Variants in COL4A2 observed in about 807,000 individuals in gnomAD.
The protein encoded by COL4A2 is collagen type IV alpha 2 chain.
A neutral mutation model predicts 200.2 loss-of-function variants in COL4A2; 99 were observed. The ratio of observed to expected loss-of-function variants is 0.49; its 90% CI spans 0.42 to 0.58. The LOEUF is 0.58. COL4A2 is among the 20% of genes least tolerant of loss of function. The probability of loss-of-function intolerance (pLI) is 0.00; values close to 1 mark genes in which losing one functional copy is unlikely to be tolerated. For missense variants in COL4A2, 1,950 were observed against 2,314.1 expected, an observed-to-expected ratio of 0.84 and a Z score of 3.23; for synonymous variants, 897 against 900.6, an observed-to-expected ratio of 1.00 and a Z score of 0.07.
intron 30 of COL4A2, 64 bp from the exon 31 acceptor site, chr13:110,480,156 C>A: frequency 6.8e-7 from 1 of 1,476,664 alleles, no homozygotes; most frequent in Non-Finnish European, 9.1e-7. Flanking sequence ...GCCGTAAAAG[C>A]AGAAGAGAAA....
chr13:110,504,100 C>G (rs759382481), intron 44 of COL4A2, 48 bp from the exon 45 acceptor site: 1 of 1,589,598 alleles, frequency 6.3e-7, no homozygotes, highest in South Asian at 1.1e-5. Flanking sequence ...GCCGGCCGTG[C>G]CAGGCGTGGT....
At chr13:110,442,008 C>G (rs1041963777) in intron 16 of COL4A2, among the ~76,000 whole-genome samples, 1 of 144,938 alleles carries the variant, frequency 6.9e-6, no homozygotes, top group Non-Finnish European at 1.5e-5. Context: ...ATTGCTTGAA[C>G]CTGGGAGGCA....
intron 6 of COL4A2, among the ~76,000 whole-genome samples, chr13:110,426,204 G>A (rs1202441772): frequency 6.6e-6 from 1 of 152,234 alleles, no homozygotes; most frequent in African/African-American, 2.4e-5. Context: ...ACTCTTTGGA[G>A]TGTCTTTCAG....
chr13:110,466,115 CT>C, intron 26 of COL4A2, 53 bp downstream of exon 26: 1 of 1,582,742 alleles, frequency 6.3e-7, no homozygotes, highest in Non-Finnish European at 8.6e-7. Context: ...CTCATTTGGT[CT>C]GCTGGTTAAG....
At chr13:110,310,811 G>C (rs1330837984) in intron 3 of COL4A2, among the ~76,000 whole-genome samples, 1 of 152,166 alleles carries the variant, frequency 6.6e-6, no homozygotes, top group African/African-American at 2.4e-5. Flanking sequence ...GTGCCAATTT[G>C]TCTGTACTAA....
At chr13:110,451,256 G>A (rs1881529866) in intron 20 of COL4A2, among the ~76,000 whole-genome samples, 1 of 152,224 alleles carries the variant, frequency 6.6e-6, no homozygotes, top group South Asian at 2.1e-4. Context: ...AGAGAGTTAT[G>A]CTTTAAAGAC....
intron 16 of COL4A2, among the ~76,000 whole-genome samples, chr13:110,443,065 C>T (rs1881192181): frequency 2.0e-5 from 3 of 152,172 alleles, no homozygotes; most frequent in South Asian, 4.1e-4. Flanking sequence ...CCTCAGTGTT[C>T]CCTGTGGCTG....
intron 4 of COL4A2, among the ~76,000 whole-genome samples, chr13:110,371,177 C>T (rs1330098885): frequency 6.6e-6 from 1 of 152,218 alleles, no homozygotes; most frequent in Non-Finnish European, 1.5e-5. Context: ...TTCACCAGCA[C>T]TCTGCATCCT....
chr13:110,487,842 C>G (rs1274126257), intron 34 of COL4A2, among the ~76,000 whole-genome samples: 3 of 152,190 alleles, frequency 2.0e-5, no homozygotes, highest in Non-Finnish European at 4.4e-5. Flanking sequence ...TGACAGTGTT[C>G]TGTGTCTTTC....
chr13:110,467,913 G>A (rs796482882), intron 27 of COL4A2, among the ~76,000 whole-genome samples: 10 of 152,366 alleles, frequency 6.6e-5, no homozygotes, highest in African/African-American at 2.4e-4. Flanking sequence ...GGCCGGGGAA[G>A]CATGTCACTT....
intron 13 of COL4A2, 95 bp from the exon 14 acceptor site, chr13:110,437,906 TC>T: frequency 1.0e-6 from 1 of 966,794 alleles, no homozygotes; most frequent in Non-Finnish European, 1.7e-6. Context: ...GAGGATTGAT[TC>T]AGTACTTTCA....
At chr13:110,463,156 T>TG (rs542121820) in intron 24 of COL4A2, 231 of 154,490 alleles carry the variant, frequency 1.5e-3, no homozygotes, top group Admixed American at 3.1e-3. Context: ...TCTGCAGGGC[T>TG]GGTTCCTTCT....
intron 4 of COL4A2, among the ~76,000 whole-genome samples, chr13:110,410,217 A>G (rs1020966243): frequency 1.3e-5 from 2 of 152,260 alleles, no homozygotes; most frequent in African/African-American, 4.8e-5. Context: ...CAGGCTGCTC[A>G]GCCACTCGTG....
intron 30 of COL4A2, among the ~76,000 whole-genome samples, chr13:110,479,340 G>A (rs898331576): frequency 4.0e-5 from 1 of 25,058 alleles, no homozygotes; most frequent in African/African-American, 1.1e-4. Flanking sequence ...GTGACCCAGA[G>A]GAGGCGGGGA....
intron 30 of COL4A2, among the ~76,000 whole-genome samples, chr13:110,479,898 C>G (rs943910983): frequency 6.6e-6 from 1 of 152,208 alleles, no homozygotes; most frequent in African/African-American, 2.4e-5. Context: ...AGTGACCATG[C>G]CCCAGCCAGA....
chr13:110,383,407 CTG>C (rs1039509009), intron 4 of COL4A2, among the ~76,000 whole-genome samples: 1 of 152,124 alleles, frequency 6.6e-6, no homozygotes, highest in Non-Finnish European at 1.5e-5. Context: ...AATTAATCAA[CTG>C]TATTTTTATC....
rs1229666916 is a variant in COL4A2, at chr13:110,429,887, G to A, written c.480G>A (p.Gly160=). The A allele has an allele frequency of 6.2e-7, 1 of 1,612,842 alleles. No homozygotes were observed. Among genetic ancestry groups the A allele is most frequent in the Non-Finnish European group, 8.5e-7 (1 of 1,179,588 alleles). ...TTTACAATATATCTGCTAATTAGGG[G>A]CCCCAAGGACCAAAAGGGCAGAAAG... ...PGSEGFTGPP[G]PQGPKGQKGE... Residue 160 remains glycine (G), a splice_region_variant and synonymous_variant, in exon 8 of 48, where the codon GGG becomes GGA. Transcript: ENST00000360467.
rs947260890 is a variant in COL4A2, at chr13:110,512,173, G to A, written c.5121G>A (p.Val1707=). The change falls in exon 48 of 48, where the codon GTG becomes GTA. Residue 1707 remains valine, a synonymous_variant. Transcript: ENST00000360467. The part of the protein sequence containing the change: ...LIRTHISRCQ[V]CMKNL ...GCACACACATCAGCCGCTGCCAGGT[G>A]TGCATGAAGAACCTGTGAGCCGGCG... 6.2e-7 allele frequency: 1 copy of A among 1,612,878 alleles called. No individual in the cohort carries two copies. Among genetic ancestry groups the A allele is most frequent in the East Asian group, 2.2e-5 (1 of 44,870 alleles).
intron 10 of COL4A2, 131 bp downstream of exon 10, chr13:110,430,738 A>G: frequency 7.9e-7 from 1 of 1,261,492 alleles, no homozygotes; most frequent in Middle Eastern, 1.9e-4. Context: ...CGTAGCAGAG[A>G]ACATCAAGAC....
Sources: allele counts gnomAD v4.1 joint callset (sites outside exome capture counted in the v4.1 genomes callset), GRCh38; gene constraint gnomAD v4.1.1; transcripts MANE v1.5; gene names NCBI Gene and HGNC (gene_info 2026-07-23, HGNC 2026-07-21).